Variants in SUFU observed in about 807,000 individuals in gnomAD.
SUFU encodes SUFU negative regulator of hedgehog signaling.
Under a neutral mutation model 58.9 loss-of-function variants are expected in SUFU, and 7 were observed. That is an observed-to-expected ratio of 0.12 (90% CI 0.07 to 0.22). The LOEUF is 0.22. Ranked by LOEUF, SUFU falls within the 10% of genes least tolerant of loss-of-function variation. The pLI, the probability that SUFU is intolerant of heterozygous loss-of-function variation, is 1.00. For missense variants in SUFU, 451 were observed against 641.3 expected, an observed-to-expected ratio of 0.70 and a Z score of 3.20; for synonymous variants, 232 against 254.8, an observed-to-expected ratio of 0.91 and a Z score of 0.85.
chr10:102,632,063 C>G lies in SUFU; in HGVS notation c.*1908C>G, dbSNP rs764234968. 5 of 233,270 alleles carry G rather than the reference C, an allele frequency of 2.1e-5. No homozygotes were observed. Among genetic ancestry groups the G allele is most frequent in the Admixed American group, 5.6e-5 (1 of 17,774 alleles). 14.5% of individuals were successfully genotyped at this position (233,270 alleles called of 1,614,324 possible). A position where few individuals can be genotyped will look rare whatever the true frequency, so the allele number is the denominator to read the frequency against. On this transcript the variant is annotated 3_prime_UTR_variant, in exon 12 of 12. Transcript: ENST00000369902. ...TCGCCTCCATTCCTTGCCACCATGACCAGCCTCTCCCTGAACTCTCTCTTG... is the reference window on the plus strand; with the variant it reads ...TCGCCTCCATTCCTTGCCACCATGAGCAGCCTCTCCCTGAACTCTCTCTTG...
intron 8 of SUFU, among the ~76,000 whole-genome samples, chr10:102,603,000 A>T (rs2063527898): frequency 6.6e-6 from 1 of 152,096 alleles, no homozygotes; most frequent in South Asian, 2.1e-4. Context: ...TGGCTTAAAG[A>T]CTGTGCCTGC....
chr10:102,557,861 G>A (rs2062997343), intron 3 of SUFU, among the ~76,000 whole-genome samples: 7 of 152,022 alleles, frequency 4.6e-5, no homozygotes, highest in Admixed American at 4.6e-4. Context: ...AGCAGGCACA[G>A]GGCTTTGTGC....
intron 3 of SUFU, among the ~76,000 whole-genome samples, chr10:102,568,954 A>ATC (rs1564685884): frequency 9.6e-6 from 1 of 104,082 alleles, no homozygotes; most frequent in Non-Finnish European, 1.8e-5. Context: ...ATATATATAT[A>ATC]TATATATATC....
chr10:102,562,975 G>A (rs2063053722), intron 3 of SUFU, among the ~76,000 whole-genome samples: 1 of 152,164 alleles, frequency 6.6e-6, no homozygotes. Context: ...GTAGCGTGGT[G>A]AGGAAGATAC....
intron 2 of SUFU, among the ~76,000 whole-genome samples, chr10:102,518,519 G>GTCTGTCTGTCTA (rs1554842626): frequency 3.4e-5 from 5 of 147,114 alleles, no homozygotes; most frequent in African/African-American, 1.3e-4. Context: ...CTGTCTGTCT[G>GTCTGTCTGTCTA]TCTATCTATC....
At chr10:102,525,078 T>C (rs916939724) in intron 2 of SUFU, among the ~76,000 whole-genome samples, 1 of 152,298 alleles carries the variant, frequency 6.6e-6, no homozygotes, top group South Asian at 2.1e-4. Flanking sequence ...TTTGGAAAAA[T>C]TGTCTGAACC....
chr10:102,593,967 A>G (rs773024733), intron 5 of SUFU, 26 bp from the exon 6 acceptor site: 31 of 1,613,738 alleles, frequency 1.9e-5, no homozygotes, highest in Non-Finnish European at 2.5e-5. Flanking sequence ...CTCAGTTACC[A>G]TTGTATCCCC....
rs562933685 is a variant in SUFU at position 102,619,124 on chromosome 10, G to A, written c.1296+1696G>A. The A allele has an allele frequency of 1.4e-5, 22 of 1,612,618 alleles. No homozygotes were observed. In the African/African-American group the frequency reaches 2.3e-4, roughly 17 times the overall value. ...TCCTGGAACGTCTTTCTGCCCTGAG[G>A]AGAGGGTAGTCAGCATCTCCAATTT... On this transcript the variant is annotated intron_variant, in intron 10 of 11. Transcript: ENST00000369902. The surrounding 1 kb of genome is among the most constrained non-coding windows in gnomAD (Gnocchi z 4.2).
chr10:102,577,941 A>C (rs2063230965), intron 3 of SUFU, among the ~76,000 whole-genome samples: 1 of 146,514 alleles, frequency 6.8e-6, no homozygotes. Flanking sequence ...TCGGCCTCCC[A>C]AAGTGCTGGG....
intron 3 of SUFU, among the ~76,000 whole-genome samples, chr10:102,589,379 G>A (rs1388147614): frequency 3.3e-5 from 5 of 149,728 alleles, no homozygotes; most frequent in Non-Finnish European, 5.9e-5. Flanking sequence ...ACAATATCAT[G>A]CTATCCATGA....
intron 5 of SUFU, 109 bp from the exon 6 acceptor site, chr10:102,593,884 A>G: frequency 6.9e-7 from 1 of 1,442,688 alleles, no homozygotes; most frequent in Non-Finnish European, 9.7e-7. Context: ...CTGACCACGA[A>G]CTATTCCCCT....
chr10:102,620,657 G>A (rs2063732104), intron 10 of SUFU, among the ~76,000 whole-genome samples: 1 of 152,184 alleles, frequency 6.6e-6, no homozygotes, highest in South Asian at 2.1e-4. Flanking sequence ...TTCCGGGGCT[G>A]TGCAGGAGGC....
intron 3 of SUFU, among the ~76,000 whole-genome samples, chr10:102,588,408 A>AT (rs2063358614): frequency 6.6e-6 from 1 of 151,638 alleles, no homozygotes; most frequent in African/African-American, 2.4e-5. Context: ...AAAAAAAAAA[A>AT]GAAAAGTAAA....
At chr10:102,536,775 T>G (rs1282344192) in intron 2 of SUFU, among the ~76,000 whole-genome samples, 1 of 152,178 alleles carries the variant, frequency 6.6e-6, no homozygotes, top group African/African-American at 2.4e-5. Flanking sequence ...CATAACTACT[T>G]ATTTGTGGCA....
chr10:102,564,999 T>C (rs998155080), intron 3 of SUFU, among the ~76,000 whole-genome samples: 2 of 152,208 alleles, frequency 1.3e-5, no homozygotes, highest in Non-Finnish European at 2.9e-5. Context: ...ATTTAGCCAA[T>C]ATATAAATCT....
At chr10:102,589,560 C>T (rs1260340158) in intron 3 of SUFU, among the ~76,000 whole-genome samples, 1 of 148,772 alleles carries the variant, frequency 6.7e-6, no homozygotes, top group Non-Finnish European at 1.5e-5. Context: ...ATCCTCCTGT[C>T]TTGGCCTCCC....
chr10:102,597,875 T>C (rs2063479226), intron 7 of SUFU, among the ~76,000 whole-genome samples: 1 of 152,206 alleles, frequency 6.6e-6, no homozygotes, highest in Non-Finnish European at 1.5e-5. Flanking sequence ...GGCTGTCCTG[T>C]TGGAATCTCC....
intron 6 of SUFU, among the ~76,000 whole-genome samples, chr10:102,595,323 C>T (rs2063449965): frequency 6.6e-6 from 1 of 152,204 alleles, no homozygotes; most frequent in South Asian, 2.1e-4. Flanking sequence ...CCTCTGTTTT[C>T]CTAGTGCCTT....
chr10:102,512,788 C>T (rs989433775), intron 2 of SUFU, among the ~76,000 whole-genome samples: 3 of 152,124 alleles, frequency 2.0e-5, no homozygotes, highest in Non-Finnish European at 4.4e-5. Flanking sequence ...CTATAGGCTG[C>T]GCATGGTGCC....
Sources: allele counts gnomAD v4.1 joint callset (sites outside exome capture counted in the v4.1 genomes callset), GRCh38; gene constraint gnomAD v4.1.1; non-coding constraint Gnocchi (gnomAD v3.1); transcripts MANE v1.5; gene names NCBI Gene and HGNC (gene_info 2026-07-23, HGNC 2026-07-21).